The following RBMS3 variants were observed in gnomAD, a reference collection of about 807,000 sequenced individuals.
The protein encoded by RBMS3 is RNA-binding motif, single-stranded-interacting protein 3.
In RBMS3, 27 loss-of-function variants were observed where a neutral mutation model predicts 66.8. The observed-to-expected ratio is 0.40, with a 90% CI of 0.30 to 0.56. The LOEUF (loss-of-function observed/expected upper bound fraction) is 0.56. RBMS3 is among the 20% of genes least tolerant of loss of function. The pLI is 0.40. For missense variants in RBMS3, 513 were observed against 549.5 expected (o/e 0.93, Z 0.66); for synonymous variants, 188 against 183.0 (o/e 1.03, Z -0.22).
At chr3:29,646,177 T>C (rs2049912052) in intron 4 of RBMS3, among the ~76,000 whole-genome samples, 1 of 152,254 alleles carries the variant, frequency 6.6e-6, no homozygotes, top group Non-Finnish European at 1.5e-5. Context: ...ACAGTTTACA[T>C]GCTCAATAGT....
rs145600458 is a variant in RBMS3, at chr3:29,715,066, C to T, written c.400-24654C>T. 3.0e-3 allele frequency among the ~76,000 whole-genome samples: 462 copies of T among 152,208 alleles called. 2 individuals are homozygous for T. Among genetic ancestry groups the T allele is most frequent in the African/African-American group, 9.9e-3 (411 of 41,538 alleles). ...GATAATTCCATTCTTCTTTATGCTC[C>T]CAACTCCTATCCAATTAGTGGTTTT... On this transcript the variant is annotated intron_variant, in intron 4 of 14. Coordinates refer to ENST00000383767, the MANE Select transcript of RBMS3 (RefSeq NM_001003793.3).
At chr3:29,699,802 A>G (rs1001622398) in intron 4 of RBMS3, among the ~76,000 whole-genome samples, 7 of 152,192 alleles carry the variant, frequency 4.6e-5, no homozygotes, top group Non-Finnish European at 7.3e-5. Context: ...TTGTACACTA[A>G]ACCACAGTGC....
At chr3:29,839,054 T>C (rs774996160) in intron 6 of RBMS3, among the ~76,000 whole-genome samples, 5 of 152,184 alleles carry the variant, frequency 3.3e-5, no homozygotes, top group Non-Finnish European at 2.9e-5. Context: ...TAATTATCTT[T>C]CATTCCAGAA....
intron 4 of RBMS3, among the ~76,000 whole-genome samples, chr3:29,735,024 T>C (rs1024374063): frequency 6.6e-6 from 1 of 152,136 alleles, no homozygotes; most frequent in African/African-American, 2.4e-5. Flanking sequence ...ATGTGAATGT[T>C]AGCAGATTGT....
Position 29,694,378 on chromosome 3 carries a change from C to T in RBMS3, c.400-45342C>T, listed in dbSNP as rs923927102. Among the ~76,000 whole-genome samples the T allele has an allele frequency of 8.5e-5, 13 of 152,252 alleles. 1 individual carries two copies. Among genetic ancestry groups the T allele is most frequent in the Middle Eastern group, 6.8e-3 (2 of 294 alleles). On this transcript the variant is annotated intron_variant, in intron 4 of 14. Coordinates refer to ENST00000383767, the MANE Select transcript of RBMS3 (RefSeq NM_001003793.3). ...AAATTTCTCTACTATTTTGAGGGAA[C>T]ATGTCCTATTGTAGAAAGATAAACC... is the stretch of plus-strand genomic sequence containing the variant.
At chr3:29,996,449 A>G (rs957511727) in intron 14 of RBMS3, among the ~76,000 whole-genome samples, 5 of 150,144 alleles carry the variant, frequency 3.3e-5, no homozygotes, top group African/African-American at 9.8e-5. Context: ...CTCCACCCCA[A>G]ATCAACAGAA....
chr3:29,402,323 C>G (rs1186190575), intron 1 of RBMS3, among the ~76,000 whole-genome samples: 2 of 151,968 alleles, frequency 1.3e-5, no homozygotes, highest in Non-Finnish European at 2.9e-5. Context: ...GATATTAAGC[C>G]AAATGCACAA....
intron 6 of RBMS3, among the ~76,000 whole-genome samples, chr3:29,864,906 AAG>A (rs1347234126): frequency 3.4e-5 from 3 of 89,224 alleles, no homozygotes; most frequent in Non-Finnish European, 4.7e-5. Context: ...AGGAAGGAGG[AAG>A]AGAGAGAGAG....
chr3:29,963,317 G>A (rs371615486), intron 12 of RBMS3, among the ~76,000 whole-genome samples: 3 of 152,188 alleles, frequency 2.0e-5, no homozygotes, highest in East Asian at 3.9e-4. Context: ...CAGCATATCC[G>A]TGGGTGGATC....
intron 3 of RBMS3, among the ~76,000 whole-genome samples, chr3:29,495,303 A>G (rs1416645630): frequency 6.6e-6 from 1 of 152,116 alleles, no homozygotes; most frequent in Admixed American, 6.6e-5. Flanking sequence ...TTCTAGGTGA[A>G]TAAATATTAG....
At chr3:29,354,837 C>G (rs1219507975) in intron 1 of RBMS3, among the ~76,000 whole-genome samples, 1 of 152,114 alleles carries the variant, frequency 6.6e-6, no homozygotes, top group Non-Finnish European at 1.5e-5. Context: ...TGGCCTCTGT[C>G]TCTCTGTTAC....
chr3:29,825,388 G>A (rs1165751029), intron 6 of RBMS3, among the ~76,000 whole-genome samples: 3 of 152,010 alleles, frequency 2.0e-5, no homozygotes, highest in Admixed American at 2.0e-4. Flanking sequence ...GGTTAATATT[G>A]TTCAGCTGTT....
intron 10 of RBMS3, among the ~76,000 whole-genome samples, chr3:29,934,407 G>GT (rs1000492800): frequency 4.0e-4 from 61 of 151,892 alleles, no homozygotes; most frequent in Non-Finnish European, 2.2e-4. Flanking sequence ...TTCTTAAAGT[G>GT]TTTACTTCTG....
rs753385200 is a variant in RBMS3 at position 29,914,495 on chromosome 3, T to A, written c.939+14740T>A. Reference sequence around the variant, plus strand: ...CATAGTAATTACCATGCTTGATCTATGCAATAGCTAGTGTTGTGCATACGC... The same window carrying A: ...CATAGTAATTACCATGCTTGATCTAAGCAATAGCTAGTGTTGTGCATACGC... On this transcript the variant is annotated intron_variant, in intron 10 of 14. Coordinates refer to ENST00000383767, the MANE Select transcript of RBMS3 (RefSeq NM_001003793.3). 2.0e-5 allele frequency among the ~76,000 whole-genome samples: 3 copies of A among 151,884 alleles called. No individual in the cohort carries two copies. In the East Asian group the frequency reaches 5.8e-4, roughly 29 times the overall value.
At chr3:29,950,987 T>C (rs867236733) in intron 12 of RBMS3, among the ~76,000 whole-genome samples, 12 of 151,888 alleles carry the variant, frequency 7.9e-5, no homozygotes, top group Admixed American at 5.3e-4. Flanking sequence ...GTTATCAGGA[T>C]AGTTGGAATT....
intron 1 of RBMS3, among the ~76,000 whole-genome samples, chr3:29,292,349 A>G (rs1392270310): frequency 6.6e-6 from 1 of 151,814 alleles, no homozygotes; most frequent in Non-Finnish European, 1.5e-5. Context: ...CTTTCCAGTT[A>G]TAATTTATTT....
chr3:29,408,106 A>C (rs1386428407), intron 1 of RBMS3, among the ~76,000 whole-genome samples: 2 of 151,604 alleles, frequency 1.3e-5, no homozygotes, highest in Admixed American at 1.3e-4. Flanking sequence ...CCCCGTCTCT[A>C]CTAAAAATAC....
At chr3:29,584,281 C>T (rs1266950872) in intron 3 of RBMS3, among the ~76,000 whole-genome samples, 1 of 150,522 alleles carries the variant, frequency 6.6e-6, no homozygotes, top group Non-Finnish European at 1.5e-5. Context: ...CCTTCTTCCT[C>T]TCTGACTCTC....
At chr3:29,352,744 C>G (rs2036988181) in intron 1 of RBMS3, among the ~76,000 whole-genome samples, 1 of 151,926 alleles carries the variant, frequency 6.6e-6, no homozygotes, top group Non-Finnish European at 1.5e-5. Flanking sequence ...CCTCTTGCAC[C>G]CATAAACACT....
Sources: gnomAD v4.1 joint callset for allele counts (sites outside exome capture counted in the v4.1 genomes callset) on GRCh38, gnomAD v4.1.1 for gene constraint, MANE v1.5 for transcripts, NCBI Gene and HGNC (gene_info 2026-07-23, HGNC 2026-07-21) for gene names.